Variants in FLNB observed in about 807,000 individuals in gnomAD.
FLNB encodes the protein filamin-B.
Under a neutral mutation model 250.6 loss-of-function variants are expected in FLNB, and 111 were observed. The observed-to-expected ratio is 0.44, with a 90% CI of 0.38 to 0.52. FLNB has a LOEUF of 0.52. Among genes scored for constraint, FLNB ranks in the 20% least tolerant of loss-of-function variants. The probability of loss-of-function intolerance (pLI) is 0.00; values close to 1 mark genes in which losing one functional copy is unlikely to be tolerated. For missense variants in FLNB, 2,869 were observed against 3,447.8 expected (o/e 0.83, Z 4.20); for synonymous variants, 1,302 against 1,372.1 (o/e 0.95, Z 1.13).
chr3:58,136,176 C>A lies in FLNB; in HGVS notation c.4861+8C>A, dbSNP rs765785129. 3 of 1,614,070 alleles carry A rather than the reference C, an allele frequency of 1.9e-6. No homozygotes were observed. In the South Asian group the frequency reaches 3.3e-5, roughly 18 times the overall value. On this transcript the variant is annotated splice_region_variant and intron_variant, in intron 28 of 45. Transcript: ENST00000295956. ...GCAAGTGCCTGGCCACGGGTGAGTACAGGGCATCTCAAGGTCAGGGGCACA... is the reference window on the plus strand; with the variant it reads ...GCAAGTGCCTGGCCACGGGTGAGTAAAGGGCATCTCAAGGTCAGGGGCACA...
At chr3:58,161,765 C>T (rs1439055542) in intron 42 of FLNB, among the ~76,000 whole-genome samples, 2 of 151,084 alleles carry the variant, frequency 1.3e-5, no homozygotes. Flanking sequence ...TGGCCTTCCT[C>T]TTGGTGGCAG....
intron 27 of FLNB, among the ~76,000 whole-genome samples, chr3:58,135,745 C>A (rs957602718): frequency 6.6e-6 from 1 of 152,180 alleles, no homozygotes; most frequent in Non-Finnish European, 1.5e-5. Context: ...CTAAAACACT[C>A]TTGGTTCACC....
At chr3:58,138,244 TC>T in intron 28 of FLNB, 37 bp from the exon 29 acceptor site, 1 of 1,612,264 alleles carries the variant, frequency 6.2e-7, no homozygotes, top group Non-Finnish European at 8.5e-7. Context: ...AGGATGTGTG[TC>T]CATACTTCCA....
chr3:58,083,483 C>T (rs1435564140), intron 4 of FLNB, among the ~76,000 whole-genome samples: 1 of 151,320 alleles, frequency 6.6e-6, no homozygotes, highest in Non-Finnish European at 1.5e-5. Context: ...CCTCCTGCCT[C>T]AGCCTCCCGA....
At chr3:58,115,381 C>T (rs2097276172) in intron 18 of FLNB, among the ~76,000 whole-genome samples, 1 of 152,190 alleles carries the variant, frequency 6.6e-6, no homozygotes, top group Admixed American at 6.5e-5. Flanking sequence ...CTGCTTTATT[C>T]TATGTCTATA....
intron 1 of FLNB, among the ~76,000 whole-genome samples, chr3:58,045,350 A>C (rs1048592216): frequency 6.6e-6 from 1 of 152,206 alleles, no homozygotes; most frequent in Non-Finnish European, 1.5e-5. Context: ...GAGTCCCAAG[A>C]CCATCTAAAG....
intron 29 of FLNB, among the ~76,000 whole-genome samples, 177 bp from the exon 30 acceptor site, chr3:58,141,681 T>C (rs1390378913): frequency 2.6e-5 from 4 of 152,174 alleles, no homozygotes; most frequent in Admixed American, 2.6e-4. Flanking sequence ...CATCTGACAG[T>C]TGAAGAGAGG....
chr3:58,014,248 A>C (rs2097102735), intron 1 of FLNB, among the ~76,000 whole-genome samples: 1 of 152,216 alleles, frequency 6.6e-6, no homozygotes, highest in South Asian at 2.1e-4. Context: ...GGTTGATCCT[A>C]CTTGCTAAAA....
chr3:58,064,489 G>A (rs972172249), intron 1 of FLNB, among the ~76,000 whole-genome samples: 3 of 152,042 alleles, frequency 2.0e-5, no homozygotes, highest in Non-Finnish European at 2.9e-5. Context: ...TATTGAATAT[G>A]AGAAAAGAAA....
In FLNB at chr3:58,149,945, C is replaced by T. The variant is rs1376630172; in HGVS notation, c.6187C>T (p.Pro2063Ser). ...TGGCACCTGCAAAGTCTCCTACTTCCCTACCGTGCCTGGGGTTTATATCGT... is the reference window on the plus strand; with the variant it reads ...TGGCACCTGCAAAGTCTCCTACTTCTCTACCGTGCCTGGGGTTTATATCGT... ...EDGTCKVSYFPTVPGVYIVST... is the reference protein window; with the variant it reads ...EDGTCKVSYFSTVPGVYIVST... The change falls in exon 37 of 46, where the codon CCT becomes TCT. Residue 2063 changes from proline to serine, a missense_variant. By Grantham distance (74) the Pro-to-Ser change is moderately conservative (BLOSUM62 -1). This residue lies in a region of FLNB where 1,084 missense variants were observed against 1,315.5 expected (regional missense o/e 0.82). Transcript: ENST00000295956. 2.5e-6 allele frequency: 4 copies of T among 1,614,222 alleles called. No homozygotes were observed. Among genetic ancestry groups the T allele is most frequent in the Non-Finnish European group, 2.5e-6 (3 of 1,180,048 alleles).
In FLNB at chr3:58,146,174, T is replaced by G. The variant is rs949943060; in HGVS notation, c.5554+125T>G. ...GGTAGTATTTGTCTTGTCTTTTCTC[T>G]CGTGTAAATCTGTTTCTTCTTTAGA... On this transcript the variant is annotated intron_variant, in intron 33 of 45. Transcript: ENST00000295956. 8.1e-6 allele frequency: 9 copies of G among 1,106,638 alleles called. No individual in the cohort carries two copies. The African/African-American group carries it at 1.2e-4, about 15-fold the overall frequency. 68.6% of individuals were successfully genotyped at this position (1,106,638 alleles called of 1,614,324 possible). A position where few individuals can be genotyped will look rare whatever the true frequency, so the allele number is the denominator to read the frequency against.
chr3:58,168,753 G>A (rs2097375428), intron 44 of FLNB, 95 bp downstream of exon 44: 10 of 912,826 alleles, frequency 1.1e-5, no homozygotes, highest in Admixed American at 1.9e-5. Context: ...TTTTAGATGT[G>A]TTAAAGCTAC....
intron 25 of FLNB, chr3:58,131,949 A>G: frequency 6.5e-7 from 1 of 1,537,200 alleles, no homozygotes; most frequent in East Asian, 2.4e-5. Context: ...ATTCCCAGTC[A>G]TGGCGCAGCC....
intron 1 of FLNB, among the ~76,000 whole-genome samples, chr3:58,050,552 G>A (rs1002801722): frequency 6.6e-6 from 1 of 152,150 alleles, no homozygotes; most frequent in Non-Finnish European, 1.5e-5. Flanking sequence ...CCTGTTGGAG[G>A]TTCCCCTTAA....
Position 58,052,669 on chromosome 3 carries a change from C to T in FLNB, c.293-24377C>T, listed in dbSNP as rs1032715733. Among the ~76,000 whole-genome samples, 76 of 152,204 alleles carry T rather than the reference C, an allele frequency of 5.0e-4. 1 individual carries two copies. The highest frequency in any genetic ancestry group is 1.8e-3 in the African/African-American group (76 of 41,446). On this transcript the variant is annotated intron_variant, in intron 1 of 45. Transcript: ENST00000295956. ...GTTGTCATCTGAGCAGTCAGGGTGG[C>T]AGCACACAGCTTGCGGGCTGGCTGA... is the stretch of plus-strand genomic sequence containing the variant.
Position 58,078,533 on chromosome 3 carries a change from G to GT in FLNB, c.542-181dup, listed in dbSNP as rs775791759. 5 of 1,536,384 alleles carry GT rather than the reference G, an allele frequency of 3.3e-6. No individual in the cohort carries two copies. In the South Asian group the frequency reaches 5.9e-5, roughly 18 times the overall value. On this transcript the variant is annotated intron_variant, in intron 2 of 45. Transcript: ENST00000295956. ...GGAGAAGTCTCAGTAATGGAGGATA[G>GT]TTTACACCCTGGCACACTCATACCT...
intron 10 of FLNB, among the ~76,000 whole-genome samples, chr3:58,104,495 G>A (rs960690632): frequency 7.9e-5 from 12 of 152,238 alleles, no homozygotes; most frequent in African/African-American, 2.9e-4. Flanking sequence ...GCCAAGGGAC[G>A]CAGTCTACAG....
At chr3:58,040,853 C>T (rs1003504806) in intron 1 of FLNB, among the ~76,000 whole-genome samples, 5 of 152,174 alleles carry the variant, frequency 3.3e-5, no homozygotes, top group African/African-American at 7.2e-5. Context: ...GGGAGTTGAG[C>T]TGCATCTGGG....
intron 1 of FLNB, among the ~76,000 whole-genome samples, chr3:58,075,206 C>T (rs2097200021): frequency 6.6e-6 from 1 of 152,010 alleles, no homozygotes; most frequent in Non-Finnish European, 1.5e-5. Context: ...TCAGGTGGCT[C>T]TTGGTGGGTG....
Sources: gnomAD v4.1 joint callset for allele counts (sites outside exome capture counted in the v4.1 genomes callset) on GRCh38, gnomAD v4.1.1 for gene constraint, gnomAD v4.1.1 regional missense constraint, MANE v1.5 for transcripts, NCBI Gene and HGNC (gene_info 2026-07-23, HGNC 2026-07-21) for gene names.